The following SEC16A variants were observed in gnomAD, a reference collection of about 807,000 sequenced individuals.
SEC16A encodes the protein protein transport protein Sec16A.
In SEC16A, 110 loss-of-function variants were observed where a neutral mutation model predicts 221.9. The ratio of observed to expected loss-of-function variants is 0.50; its 90% CI spans 0.42 to 0.58. SEC16A has a LOEUF of 0.58. Among genes scored for constraint, SEC16A ranks in the 20% least tolerant of loss-of-function variants. SEC16A has a pLI of 0.00. For missense variants in SEC16A, 3,165 were observed against 3,097.8 expected, an observed-to-expected ratio of 1.02 and a Z score of -0.52; for synonymous variants, 1,393 against 1,257.7, an observed-to-expected ratio of 1.11 and a Z score of -2.28.
chr9:136,454,065 C>T, intron 21 of SEC16A, 44 bp downstream of exon 21: 2 of 1,487,354 alleles, frequency 1.3e-6, no homozygotes, highest in Non-Finnish European at 1.8e-6. Context: ...AACACCACAC[C>T]CCATGCTGCT....
At chr9:136,480,724 T>C (rs1219532502) in intron 1 of SEC16A, among the ~76,000 whole-genome samples, 1 of 152,028 alleles carries the variant, frequency 6.6e-6, no homozygotes, top group African/African-American at 2.4e-5. Flanking sequence ...ACCCCGTCTC[T>C]ACTAAAATAC....
chr9:136,445,397 T>C (rs993095994), intron 29 of SEC16A, among the ~76,000 whole-genome samples: 2 of 152,190 alleles, frequency 1.3e-5, no homozygotes, highest in Non-Finnish European at 2.9e-5. Context: ...ATTCCCGTGC[T>C]GTTGAAGGGA....
rs1243432948 is a variant in SEC16A, at chr9:136,465,956, A to G, written c.4303+6T>C. On this transcript the variant is annotated splice_donor_region_variant and intron_variant, in intron 8 of 31. Transcript: ENST00000684901. Reference sequence around the variant, plus strand: ...CCGGTATCCCTCTGTCCTGCTGAGCACACACCTTGCTCCATGGCAGGCCAG... The same window carrying G: ...CCGGTATCCCTCTGTCCTGCTGAGCGCACACCTTGCTCCATGGCAGGCCAG... 1.9e-6 allele frequency: 3 copies of G among 1,612,738 alleles called. No individual in the cohort carries two copies. The African/African-American group carries it at 4.0e-5, about 22-fold the overall frequency.
Position 136,474,079 on chromosome 9 carries a change from C to T in SEC16A, c.3537G>A (p.Pro1179=), listed in dbSNP as rs1332282149. The change falls in exon 3 of 32, where the codon CCG becomes CCA. Residue 1179 remains proline (P), a synonymous_variant. Coordinates refer to ENST00000684901, the MANE Select transcript of SEC16A (RefSeq NM_014866.2). ...AATAGAGGGAGGCTGCGCCAGGCTC[C>T]GGTGGGTACGGCAAAGAGTACTGAG... is the stretch of plus-strand genomic sequence containing the variant. ...YQPQYSLPYP[P]EPGAASLYYQ... is the part of the protein sequence containing the mutation. 7 of 1,608,072 alleles carry T rather than the reference C, an allele frequency of 4.4e-6. No homozygotes were observed. Among genetic ancestry groups the T allele is most frequent in the Admixed American group, 1.7e-5 (1 of 59,736 alleles).
In SEC16A at chr9:136,475,514, T is replaced by A; in HGVS notation, c.2102A>T (p.Tyr701Phe). ...HAGAPPLDTV[Y>F]PAPEKRPSAR... ...TGAAGGCCTCTTCTCGGGTGCTGGATACACAGTATCCAAGGGCGGTGCCCC... is the reference window on the plus strand; with the variant it reads ...TGAAGGCCTCTTCTCGGGTGCTGGAAACACAGTATCCAAGGGCGGTGCCCC... The change falls in exon 3 of 32, where the codon TAT (tyrosine) becomes TTT (phenylalanine). Residue 701 changes from tyrosine to phenylalanine, a missense_variant. Tyr to Phe is a conservative substitution (Grantham distance 22). Transcript: ENST00000684901. This position sits in a 1 kb window ranked among gnomAD's most constrained non-coding sequence, Gnocchi z 5.0. 3 of 1,612,620 alleles carry A rather than the reference T, an allele frequency of 1.9e-6. No individual in the cohort carries two copies. Among genetic ancestry groups the A allele is most frequent in the Non-Finnish European group, 1.7e-6 (2 of 1,179,072 alleles).
intron 20 of SEC16A, 119 bp from the exon 21 acceptor site, chr9:136,454,446 A>G (rs888122514): frequency 4.0e-5 from 39 of 968,538 alleles, no homozygotes; most frequent in Non-Finnish European, 6.3e-5. Context: ...TTTCTTTTAT[A>G]AGGGAGGTCC....
At chr9:136,443,213 C>T (rs1006795926) in intron 31 of SEC16A, among the ~76,000 whole-genome samples, 3 of 135,976 alleles carry the variant, frequency 2.2e-5, no homozygotes, top group African/African-American at 5.6e-5. Context: ...TACAGGAGCA[C>T]GGAGGGCCTC....
In SEC16A at chr9:136,451,670, T is replaced by C. The variant is rs551000159; in HGVS notation, c.6160-262A>G. Among the ~76,000 whole-genome samples the C allele has an allele frequency of 3.2e-3, 480 of 152,222 alleles. 4 individuals carry two copies. The highest frequency in any genetic ancestry group is 0.011 in the African/African-American group (456 of 41,528). ...GTCTGGGAGCACTCAGCACTCAGAA[T>C]GCAAATGAGGGCGTTCGATGGAGAT... On this transcript the variant is annotated intron_variant, in intron 22 of 31. Coordinates refer to ENST00000684901, the MANE Select transcript of SEC16A (RefSeq NM_014866.2).
chr9:136,482,990 G>A lies in SEC16A; in HGVS notation c.-244C>T, dbSNP rs971199346. The A allele has an allele frequency of 2.0e-6, 2 of 985,068 alleles. No homozygotes were observed. Among genetic ancestry groups the A allele is most frequent in the African/African-American group, 3.5e-5 (2 of 57,142 alleles). 61.0% of individuals were successfully genotyped at this position (985,068 alleles called of 1,614,324 possible). The stretch of plus-strand genomic sequence containing the variant: ...AGCCGCGGGCGAAAGCCCACCCGAC[G>A]CTGGCGACGAGCACAGACACCTCAG... On this transcript the variant is annotated 5_prime_UTR_variant, in exon 1 of 32. Coordinates refer to ENST00000684901, the MANE Select transcript of SEC16A (RefSeq NM_014866.2).
Position 136,475,285 on chromosome 9 carries a change from G to A in SEC16A, c.2331C>T (p.Ala777=). ...GQQSRNPSSA[A]PVQSRGGIGA... Reference sequence around the variant, plus strand: ...CAATGCCACCTCGGCTCTGCACCGGGGCCGCCGAGCTTGGGTTCCGTGACT... The same window carrying A: ...CAATGCCACCTCGGCTCTGCACCGGAGCCGCCGAGCTTGGGTTCCGTGACT... The change falls in exon 3 of 32, where the codon GCC becomes GCT. Residue 777 remains alanine, a synonymous_variant. Coordinates refer to ENST00000684901, the MANE Select transcript of SEC16A (RefSeq NM_014866.2). This position sits in a 1 kb window ranked among gnomAD's most constrained non-coding sequence, Gnocchi z 5.0. The A allele has an allele frequency of 6.2e-7, 1 of 1,613,424 alleles. No individual in the cohort carries two copies. Among genetic ancestry groups the A allele is most frequent in the Non-Finnish European group, 8.5e-7 (1 of 1,179,798 alleles).
In SEC16A at chr9:136,475,907, G is replaced by A. The variant is rs770664435; in HGVS notation, c.1709C>T (p.Pro570Leu). 3.1e-6 allele frequency: 5 copies of A among 1,611,576 alleles called. No homozygotes were observed. Among genetic ancestry groups the A allele is most frequent in the Middle Eastern group, 1.6e-4 (1 of 6,062 alleles). Residue 570 changes from proline (P) to leucine (L), a missense_variant, in exon 3 of 32, where the codon CCC becomes CTC. Around this residue, in one of 3 missense-constraint regions of SEC16A, gnomAD observed 2,030 missense variants for 1,923.1 expected, o/e 1.06. Coordinates refer to ENST00000684901, the MANE Select transcript of SEC16A (RefSeq NM_014866.2). The surrounding 1 kb of genome is among the most constrained non-coding windows in gnomAD (Gnocchi z 5.0). The part of the protein sequence containing the change: ...GSFFKQIDSS[P>L]VGGETDETTV... ...GGTCTCGTCTGTTTCACCTCCTACG[G>A]GAGAAGAATCGATTTGCTTAAAAAA...
rs919823148 is a variant in SEC16A at position 136,447,108 on chromosome 9, C to G, written c.6697+119G>C. 7 of 1,509,866 alleles carry G rather than the reference C, an allele frequency of 4.6e-6. No homozygotes were observed. In the South Asian group the frequency reaches 9.1e-5, roughly 20 times the overall value. 93.5% of individuals were successfully genotyped at this position (1,509,866 alleles called of 1,614,324 possible). ...AAAAACCACAAACCAACCCCAGGCT[C>G]TCTGCATGCTGGCCAGGTCATTCTT... On this transcript the variant is annotated intron_variant, in intron 27 of 31. Coordinates refer to ENST00000684901, the MANE Select transcript of SEC16A (RefSeq NM_014866.2). This position sits in a 1 kb window ranked among gnomAD's most constrained non-coding sequence, Gnocchi z 5.5.
chr9:136,448,490 G>T (rs1448028438), intron 23 of SEC16A: 1 of 705,622 alleles, frequency 1.4e-6, no homozygotes, highest in Non-Finnish European at 2.6e-6. Context: ...GGATGGAGGT[G>T]GGGGGCAGAT....
In SEC16A at chr9:136,475,124, G is replaced by T; in HGVS notation, c.2492C>A (p.Ala831Asp). 1 of 1,613,964 alleles carries T rather than the reference G, an allele frequency of 6.2e-7. No individual in the cohort carries two copies. The highest frequency in any genetic ancestry group is 8.5e-7 in the Non-Finnish European group (1 of 1,179,874). ...CAGATTATAGCTGTGATCAGGCTGA[G>T]CAATCAAGACTGGAGGATTCTGCAG... ...ESLQNPPVLI[A>D]QPDHSYNLAQ... Residue 831 changes from alanine (A) to aspartate (D), a missense_variant, in exon 3 of 32, where the codon GCT becomes GAT. Ala to Asp is a moderately radical substitution (Grantham distance 126). Coordinates refer to ENST00000684901, the MANE Select transcript of SEC16A (RefSeq NM_014866.2). The surrounding 1 kb of genome is among the most constrained non-coding windows in gnomAD (Gnocchi z 5.0).
Position 136,477,243 on chromosome 9 carries a change from A to G in SEC16A, c.373T>C (p.Ser125Pro). ...GGTGCTGAAGGTGTCAATGCACCAG[A>G]AAACGGACTGGCATGTGCTCTGGGC... The part of the protein sequence containing the change: ...TQPRAHASPF[S>P]GALTPSAPPG... The change falls in exon 3 of 32, where the codon TCT (serine) becomes CCT (proline). Residue 125 changes from serine to proline, a missense_variant. This residue lies in a region of SEC16A where 2,030 missense variants were observed against 1,923.1 expected (regional missense o/e 1.06). Coordinates refer to ENST00000684901, the MANE Select transcript of SEC16A (RefSeq NM_014866.2). 1 of 1,613,940 alleles carries G rather than the reference A, an allele frequency of 6.2e-7. No homozygotes were observed. The highest frequency in any genetic ancestry group is 8.5e-7 in the Non-Finnish European group (1 of 1,179,888).
chr9:136,477,292 C>T lies in SEC16A; in HGVS notation c.324G>A (p.Glu108=). 1 of 1,613,952 alleles carries T rather than the reference C, an allele frequency of 6.2e-7. No homozygotes were observed. The highest frequency in any genetic ancestry group is 1.3e-5 in the African/African-American group (1 of 75,024). Residue 108 remains glutamate, a synonymous_variant, in exon 3 of 32, where the codon GAG becomes GAA. Coordinates refer to ENST00000684901, the MANE Select transcript of SEC16A (RefSeq NM_014866.2). ...GCTGTGTCAGAGGTCCAGGCAGGGG[C>T]TCACAGGGTCCCTGAGAGCTATCTC... ...HARDSSQGPC[E]PLPGPLTQPR...
At chr9:136,463,648 T>C in intron 10 of SEC16A, 31 bp downstream of exon 10, 2 of 1,613,584 alleles carry the variant, frequency 1.2e-6, no homozygotes, top group East Asian at 4.5e-5. Context: ...AAGGCCGGGC[T>C]CACAAAGAAA....
rs764486822 is a variant in SEC16A, at chr9:136,475,318, G to A, written c.2298C>T (p.Ser766=). 93 of 1,612,586 alleles carry A rather than the reference G, an allele frequency of 5.8e-5. No individual in the cohort carries two copies. In the Middle Eastern group the frequency reaches 1.6e-3, roughly 29 times the overall value. ...PVVQPPEEAM[S]GQQSRNPSSA... ...AGCTTGGGTTCCGTGACTGCTGCCC[G>A]GACATCGCCTCTTCTGGAGGCTGAA... is the stretch of plus-strand genomic sequence containing the variant. Residue 766 remains serine, a synonymous_variant, in exon 3 of 32, where the codon TCC becomes TCT. Transcript: ENST00000684901. The surrounding 1 kb of genome is among the most constrained non-coding windows in gnomAD (Gnocchi z 5.0).
In SEC16A at chr9:136,459,651, C is replaced by T. The variant is rs367997576; in HGVS notation, c.5192-96G>A. The T allele has an allele frequency of 1.5e-4, 208 of 1,360,586 alleles. 3 individuals are homozygous for T. In the East Asian group the frequency reaches 2.4e-3, roughly 16 times the overall value. 84.3% of individuals were successfully genotyped at this position (1,360,586 alleles called of 1,614,324 possible). The stretch of plus-strand genomic sequence containing the variant: ...CACAGAAGGCACCAGAGACGCCAGC[C>T]GGACCGAGAAGGCCGGGTTCTGGTG... On this transcript the variant is annotated intron_variant, in intron 15 of 31. Coordinates refer to ENST00000684901, the MANE Select transcript of SEC16A (RefSeq NM_014866.2). The surrounding 1 kb of genome is among the most constrained non-coding windows in gnomAD (Gnocchi z 6.1).
Sources: allele counts gnomAD v4.1 joint callset (sites outside exome capture counted in the v4.1 genomes callset), GRCh38; gene constraint gnomAD v4.1.1; regional missense constraint gnomAD v4.1.1; non-coding constraint Gnocchi (gnomAD v3.1); transcripts MANE v1.5; gene names NCBI Gene and HGNC (gene_info 2026-07-23, HGNC 2026-07-21).